LRRC7: variants seen among roughly 807,000 people sequenced by gnomAD.
The protein encoded by LRRC7 is leucine rich repeat containing 7.
Under a neutral mutation model 175.7 loss-of-function variants are expected in LRRC7, and 23 were observed. The observed-to-expected ratio is 0.13, with a 90% CI of 0.09 to 0.19. The LOEUF (loss-of-function observed/expected upper bound fraction) is 0.19. Among genes scored for constraint, LRRC7 ranks in the 10% least tolerant of loss-of-function variants. The probability of loss-of-function intolerance (pLI) is 1.00; values close to 1 mark genes in which losing one functional copy is unlikely to be tolerated. For missense variants in LRRC7, 1,354 were observed against 1,904.7 expected, an observed-to-expected ratio of 0.71 and a Z score of 5.38; for synonymous variants, 685 against 680.9, an observed-to-expected ratio of 1.01 and a Z score of -0.09.
chr1:69,770,284 A>C (rs1012072319), intron 3 of LRRC7, among the ~76,000 whole-genome samples: 2 of 152,228 alleles, frequency 1.3e-5, no homozygotes, highest in African/African-American at 2.4e-5. Context: ...ATATGCTTTC[A>C]ATCGATGCTT....
intron 7 of LRRC7, among the ~76,000 whole-genome samples, chr1:69,861,572 A>G (rs934702802): frequency 6.6e-6 from 1 of 152,172 alleles, no homozygotes; most frequent in Non-Finnish European, 1.5e-5. Flanking sequence ...ATCAGACCAA[A>G]AAGGAGTAAC....
chr1:70,080,761 T>G (rs1195238121), intron 24 of LRRC7, among the ~76,000 whole-genome samples: 1 of 152,184 alleles, frequency 6.6e-6, no homozygotes, highest in East Asian at 1.9e-4. Context: ...AAGGAGATTT[T>G]AGTGCATAAA....
At chr1:69,609,273 C>T (rs914801889) in intron 1 of LRRC7, among the ~76,000 whole-genome samples, 10 of 151,744 alleles carry the variant, frequency 6.6e-5, no homozygotes, top group African/African-American at 9.7e-5. Context: ...CTCATGTCTA[C>T]GTATTCATAA....
At chr1:69,738,070 A>G (rs754668700) in intron 2 of LRRC7, among the ~76,000 whole-genome samples, 10 of 152,002 alleles carry the variant, frequency 6.6e-5, no homozygotes, top group African/African-American at 1.9e-4. Context: ...AGGATGACAC[A>G]TCTTGTCTGG....
At chr1:70,064,483 C>G (rs1035169006) in intron 23 of LRRC7, among the ~76,000 whole-genome samples, 1 of 151,710 alleles carries the variant, frequency 6.6e-6, no homozygotes, top group Non-Finnish European at 1.5e-5. Flanking sequence ...ACTCTACCCA[C>G]TAATTATTCC....
At chr1:70,105,715 A>G (rs1314362350) in intron 25 of LRRC7, among the ~76,000 whole-genome samples, 3 of 152,190 alleles carry the variant, frequency 2.0e-5, no homozygotes, top group African/African-American at 7.2e-5. Context: ...TTTTGTTATT[A>G]TAAATAATAC....
intron 7 of LRRC7, among the ~76,000 whole-genome samples, chr1:69,915,665 C>T (rs1402361256): frequency 6.6e-6 from 1 of 151,984 alleles, no homozygotes; most frequent in African/African-American, 2.4e-5. Context: ...TACTGGCCAT[C>T]TGAAATTTTT....
intron 23 of LRRC7, among the ~76,000 whole-genome samples, chr1:70,062,607 C>A (rs1260038965): frequency 6.6e-6 from 1 of 151,856 alleles, no homozygotes; most frequent in Non-Finnish European, 1.5e-5. Flanking sequence ...CCAAATAAAC[C>A]AAAGTACATG....
chr1:69,961,556 G>A (rs550298632), intron 8 of LRRC7, among the ~76,000 whole-genome samples: 1 of 152,270 alleles, frequency 6.6e-6, no homozygotes, highest in South Asian at 2.1e-4. Context: ...AAAGCTGGAG[G>A]CATCATGCTA....
intron 1 of LRRC7, among the ~76,000 whole-genome samples, chr1:69,630,383 G>A (rs1290923140): frequency 6.6e-6 from 1 of 152,076 alleles, no homozygotes; most frequent in Non-Finnish European, 1.5e-5. Context: ...CTATTAATAG[G>A]TTGAGAGTTA....
intron 4 of LRRC7, among the ~76,000 whole-genome samples, chr1:69,802,624 G>A (rs1405998393): frequency 1.3e-5 from 2 of 151,220 alleles, no homozygotes; most frequent in Non-Finnish European, 3.0e-5. Flanking sequence ...CCAGTAAGGT[G>A]AATTTCTTAT....
At chr1:70,118,131 A>G (rs1665983012) in intron 26 of LRRC7, among the ~76,000 whole-genome samples, 1 of 151,758 alleles carries the variant, frequency 6.6e-6, no homozygotes, top group African/African-American at 2.4e-5. Context: ...TAGTTGGAAT[A>G]TTGTGATTCT....
intron 4 of LRRC7, among the ~76,000 whole-genome samples, chr1:69,795,341 C>A (rs368748077): frequency 1.1e-4 from 17 of 150,462 alleles, no homozygotes; most frequent in African/African-American, 4.2e-4. Context: ...CGCCACTGCA[C>A]TCTAGCCTGG....
intron 1 of LRRC7, among the ~76,000 whole-genome samples, chr1:69,597,650 G>T (rs1364239950): frequency 6.6e-6 from 1 of 152,092 alleles, no homozygotes; most frequent in African/African-American, 2.4e-5. Context: ...TCAATAAATT[G>T]CTGTTGACTC....
intron 7 of LRRC7, among the ~76,000 whole-genome samples, chr1:69,855,607 T>C (rs1683510905): frequency 6.6e-6 from 1 of 152,094 alleles, no homozygotes; most frequent in Non-Finnish European, 1.5e-5. Context: ...ATTCTGTTGA[T>C]TTGGGGTGGA....
chr1:69,679,693 A>G (rs1660233247), intron 2 of LRRC7, among the ~76,000 whole-genome samples: 1 of 152,090 alleles, frequency 6.6e-6, no homozygotes, highest in African/African-American at 2.4e-5. Context: ...TTTCTTCTCT[A>G]TGCTTCAAGG....
At chr1:70,061,991 A>G (rs1170992208) in intron 23 of LRRC7, among the ~76,000 whole-genome samples, 1 of 152,214 alleles carries the variant, frequency 6.6e-6, no homozygotes, top group Non-Finnish European at 1.5e-5. Context: ...GGTTAGGAGA[A>G]GGAGAGGTAG....
chr1:69,824,989 C>A (rs188862303), intron 4 of LRRC7, among the ~76,000 whole-genome samples: 1 of 152,258 alleles, frequency 6.6e-6, no homozygotes, highest in East Asian at 1.9e-4. Flanking sequence ...ATTCCTCTGA[C>A]CCTCACATTT....
At chr1:70,077,991 G>A (rs1041030490) in intron 24 of LRRC7, among the ~76,000 whole-genome samples, 2 of 152,088 alleles carry the variant, frequency 1.3e-5, no homozygotes, top group African/African-American at 4.8e-5. Flanking sequence ...AACACCTTTT[G>A]ATGTCTCAGT....
Sources: gnomAD v4.1 joint callset for allele counts (sites outside exome capture counted in the v4.1 genomes callset) on GRCh38, gnomAD v4.1.1 for gene constraint, MANE v1.5 for transcripts, NCBI Gene and HGNC (gene_info 2026-07-23, HGNC 2026-07-21) for gene names.